Variants in CFLAR observed in about 807,000 individuals in gnomAD.
CFLAR encodes CASP8 and FADD-like apoptosis regulator.
CFLAR carries 14 observed loss-of-function variants against 51.1 expected under a neutral mutation model. The observed-to-expected ratio is 0.27, with a 90% CI of 0.18 to 0.43. CFLAR has a LOEUF of 0.43. Ranked by LOEUF, CFLAR falls within the 20% of genes least tolerant of loss-of-function variation. The probability of loss-of-function intolerance (pLI) is 1.00; values close to 1 mark genes in which losing one functional copy is unlikely to be tolerated. For missense variants in CFLAR, 390 were observed against 566.5 expected, an observed-to-expected ratio of 0.69 and a Z score of 3.16; for synonymous variants, 210 against 211.6, an observed-to-expected ratio of 0.99 and a Z score of 0.06.
chr2:201,161,078 G>A, intron 9 of CFLAR, 136 bp downstream of exon 9: 1 of 630,926 alleles, frequency 1.6e-6, no homozygotes, highest in Non-Finnish European at 2.8e-6. Context: ...CATTGGGCTT[G>A]CCCTAGGACT....
At position 201,140,391 on chromosome 2, in the gene CFLAR, C is replaced by A. The variant is rs775215134; in HGVS notation, c.558C>A (p.Leu186=). 6.2e-7 allele frequency: 1 copy of A among 1,610,946 alleles called. No individual in the cohort carries two copies. Among genetic ancestry groups the A allele is most frequent in the Non-Finnish European group, 8.5e-7 (1 of 1,179,252 alleles). ...CAGGGACAAGTTACAGGAATGTTCT[C>A]CAAGCAGCAATCCAAAAGAGTCTCA... ...QGAGTSYRNV[L]QAAIQKSLKD... is the part of the protein sequence containing the mutation. The change falls in exon 5 of 10, where the codon CTC becomes CTA. Residue 186 remains leucine (L), a synonymous_variant. Transcript: ENST00000309955.
intron 4 of CFLAR, chr2:201,137,383 T>G (rs540827346): frequency 5.5e-5 from 21 of 384,258 alleles, no homozygotes; most frequent in African/African-American, 4.4e-4. Context: ...GAGCCTCCCC[T>G]CCTCTCTCCC....
At chr2:201,131,379 G>A (rs1415730026) in intron 2 of CFLAR, among the ~76,000 whole-genome samples, 1 of 152,082 alleles carries the variant, frequency 6.6e-6, no homozygotes, top group Non-Finnish European at 1.5e-5. Context: ...GGGATTACAG[G>A]CACGCACCAC....
At chr2:201,136,182 T>C (rs1198567394) in intron 4 of CFLAR, 75 bp downstream of exon 4, 1 of 1,611,960 alleles carries the variant, frequency 6.2e-7, no homozygotes, top group African/African-American at 1.3e-5. Flanking sequence ...CTGATAAATA[T>C]TCATTTGTTG....
In CFLAR at chr2:201,169,267, T is replaced by C. The variant is rs991703208; in HGVS notation, c.*5294T>C. On this transcript the variant is annotated 3_prime_UTR_variant, in exon 10 of 10. Transcript: ENST00000309955. ...TGGTACTGGTACAAAAACAGACACA[T>C]AGACCAATGGAACAGAATAGAGACC... 2 of 151,994 alleles carry C rather than the reference T, an allele frequency of 1.3e-5. No homozygotes were observed. The highest frequency in any genetic ancestry group is 4.8e-5 in the African/African-American group (2 of 41,386). 9.4% of individuals were successfully genotyped at this position (151,994 alleles called of 1,614,324 possible).
intron 4 of CFLAR, chr2:201,137,858 G>A: frequency 1.1e-6 from 1 of 884,778 alleles, no homozygotes; most frequent in Non-Finnish European, 1.9e-6. Flanking sequence ...CGTCTGAGAA[G>A]AAGCACTCGC....
chr2:201,162,479 C>G (rs1943153821), intron 9 of CFLAR: 1 of 159,672 alleles, frequency 6.3e-6, no homozygotes, highest in African/African-American at 2.4e-5. Flanking sequence ...ATCCCCATGT[C>G]TGGCTCATTT....
chr2:201,129,323 T>A (rs1022663021), intron 1 of CFLAR: 1 of 157,716 alleles, frequency 6.3e-6, no homozygotes, highest in African/African-American at 2.4e-5. Flanking sequence ...TAAGTTTCCC[T>A]GATTTAGTCA....
Position 201,129,965 on chromosome 2 carries a change from C to G in CFLAR, c.100C>G (p.Pro34Ala). The G allele has an allele frequency of 6.2e-7, 1 of 1,614,152 alleles. No homozygotes were observed. Among genetic ancestry groups the G allele is most frequent in the African/African-American group, 1.3e-5 (1 of 75,018 alleles). ...LCRDVAIDVVPPNVRDLLDIL... is the reference protein window; with the variant it reads ...LCRDVAIDVVAPNVRDLLDIL... The stretch of plus-strand genomic sequence containing the variant: ...CCGGGATGTTGCTATAGATGTGGTT[C>G]CACCTAATGTCAGGGACCTTCTGGA... Residue 34 changes from proline (P) to alanine (A), a missense_variant, in exon 2 of 10, where the codon CCA (proline) becomes GCA (alanine). Coordinates refer to ENST00000309955, the MANE Select transcript of CFLAR (RefSeq NM_003879.7).
At chr2:201,132,433 A>ATG (rs2049454997) in intron 2 of CFLAR, among the ~76,000 whole-genome samples, 1 of 113,952 alleles carries the variant, frequency 8.8e-6, no homozygotes, top group Non-Finnish European at 1.9e-5. Context: ...GGGGAAAAAT[A>ATG]TATATATATA....
At position 201,163,598 on chromosome 2, in the gene CFLAR, A is replaced by G. The variant is rs892756677; in HGVS notation, c.1305-237A>G. The G allele has an allele frequency of 6.0e-5, 79 of 1,313,788 alleles. No individual in the cohort carries two copies. The African/African-American group carries it at 9.1e-4, about 15-fold the overall frequency. 81.4% of individuals were successfully genotyped at this position (1,313,788 alleles called of 1,614,324 possible). A position where few individuals can be genotyped will look rare whatever the true frequency, so the allele number is the denominator to read the frequency against. ...TTTGCATAGATGATCCACGTGGGTT[A>G]TCATCTGGCTGGTATGTTCCCAGAG... is the stretch of plus-strand genomic sequence containing the variant. On this transcript the variant is annotated intron_variant, in intron 9 of 9. Coordinates refer to ENST00000309955, the MANE Select transcript of CFLAR (RefSeq NM_003879.7).
At chr2:201,140,468 C>G (rs1342970648) in intron 5 of CFLAR, 29 bp downstream of exon 5, 1 of 1,527,242 alleles carries the variant, frequency 6.5e-7, no homozygotes, top group Non-Finnish European at 8.9e-7. Flanking sequence ...TATGGAATCC[C>G]AGCATGAAAC....
At position 201,172,744 on chromosome 2, in the gene CFLAR, A is replaced by G. The variant is rs1944092426; in HGVS notation, c.*8771A>G. 6.6e-6 allele frequency: 1 copy of G among 152,332 alleles called. No individual in the cohort carries two copies. The highest frequency in any genetic ancestry group is 2.1e-4 in the South Asian group (1 of 4,830). The allele number at this position is 152,332 out of a possible 1,614,324, so 9.4% of individuals were successfully genotyped here. ...GTGTACCAGTGCTTCATTACATTTT[A>G]TGGCTGAATAATACCCTATTGTGTG... On this transcript the variant is annotated 3_prime_UTR_variant, in exon 10 of 10. Coordinates refer to ENST00000309955, the MANE Select transcript of CFLAR (RefSeq NM_003879.7).
intron 1 of CFLAR, among the ~76,000 whole-genome samples, chr2:201,117,521 G>A (rs2047724591): frequency 6.6e-6 from 1 of 152,176 alleles, no homozygotes; most frequent in African/African-American, 2.4e-5. Flanking sequence ...CTTAAGCAAT[G>A]AGGGGTGAAA....
At chr2:201,150,586 G>A (rs990452465) in intron 8 of CFLAR, 1 of 149,802 alleles carries the variant, frequency 6.7e-6, no homozygotes, top group Non-Finnish European at 1.5e-5. Flanking sequence ...TCGGGCTGGG[G>A]GAGCTTTGTT....
intron 1 of CFLAR, among the ~76,000 whole-genome samples, chr2:201,123,043 A>AC (rs1212687946): frequency 2.0e-5 from 3 of 152,236 alleles, no homozygotes; most frequent in Non-Finnish European, 2.9e-5. Context: ...TATACCTGCC[A>AC]AAGTGAAAAT....
chr2:201,140,033 C>G, intron 4 of CFLAR: 1 of 313,084 alleles, frequency 3.2e-6, no homozygotes, highest in Non-Finnish European at 6.5e-6. Context: ...CTCATGCTGC[C>G]GCGAGACCCC....
chr2:201,158,932 C>T (rs2125919051), intron 8 of CFLAR, among the ~76,000 whole-genome samples: 1 of 151,446 alleles, frequency 6.6e-6, no homozygotes, highest in Non-Finnish European at 1.5e-5. Flanking sequence ...GGCTGGAGTG[C>T]AGTGGCGCAA....
At chr2:201,145,930 A>G (rs1380109725) in intron 6 of CFLAR, among the ~76,000 whole-genome samples, 1 of 151,964 alleles carries the variant, frequency 6.6e-6, no homozygotes, top group African/African-American at 2.4e-5. Context: ...CTCTTAAAAC[A>G]TTAGCACTTG....
Sources: gnomAD v4.1 joint callset for allele counts (sites outside exome capture counted in the v4.1 genomes callset) on GRCh38, gnomAD v4.1.1 for gene constraint, MANE v1.5 for transcripts, NCBI Gene and HGNC (gene_info 2026-07-23, HGNC 2026-07-21) for gene names.